KCNIP4: variants seen among roughly 807,000 people sequenced by gnomAD.
The protein encoded by KCNIP4 is potassium voltage-gated channel interacting protein 4, also known as Kv channel-interacting protein 4.
Under a neutral mutation model 34.0 loss-of-function variants are expected in KCNIP4, and 12 were observed. The observed-to-expected ratio is 0.35, with a 90% CI of 0.23 to 0.57. KCNIP4 has a LOEUF of 0.57. KCNIP4 is among the 20% of genes least tolerant of loss of function. KCNIP4 has a pLI of 0.83. For synonymous variants in KCNIP4, 124 were observed against 102.2 expected (o/e 1.21, Z -1.29); for missense variants, 238 against 311.7 (o/e 0.76, Z 1.78).
chr4:21,675,576 C>A (rs758985063), intron 1 of KCNIP4, among the ~76,000 whole-genome samples: 1 of 152,116 alleles, frequency 6.6e-6, no homozygotes, highest in Non-Finnish European at 1.5e-5. Context: ...TATACACTTA[C>A]TATGTACTCA....
chr4:21,697,773 T>A, intron 1 of KCNIP4: 1 of 632,276 alleles, frequency 1.6e-6, no homozygotes, highest in Non-Finnish European at 2.1e-6. Context: ...CCAGAAGCAG[T>A]TGCAACCTCA....
intron 6 of KCNIP4, among the ~76,000 whole-genome samples, chr4:20,733,866 A>G (rs1164477685): frequency 1.3e-5 from 2 of 152,082 alleles, no homozygotes; most frequent in African/African-American, 2.4e-5. Flanking sequence ...ATCAGGCTAT[A>G]CTCGTGACCT....
intron 1 of KCNIP4, among the ~76,000 whole-genome samples, chr4:21,344,526 G>A (rs1717098242): frequency 6.6e-6 from 1 of 152,082 alleles, no homozygotes; most frequent in South Asian, 2.1e-4. Context: ...TCTAAAAGGA[G>A]CAGCCACCAA....
intron 1 of KCNIP4, among the ~76,000 whole-genome samples, chr4:21,859,391 G>T (rs192321573): frequency 6.6e-6 from 1 of 151,792 alleles, no homozygotes; most frequent in Non-Finnish European, 1.5e-5. Context: ...GGTGGATCAC[G>T]AGGTCAGGAG....
chr4:21,191,523 C>T (rs969671182), intron 1 of KCNIP4, among the ~76,000 whole-genome samples: 4 of 152,102 alleles, frequency 2.6e-5, no homozygotes, highest in Non-Finnish European at 4.4e-5. Flanking sequence ...CAGGATGATG[C>T]GCCCTAGTGC....
intron 1 of KCNIP4, chr4:21,719,134 T>C (rs1714604804): frequency 1.3e-5 from 2 of 152,186 alleles, no homozygotes; most frequent in African/African-American, 2.4e-5. Flanking sequence ...TCATTGATGA[T>C]AGCTGATGCT....
At chr4:21,943,091 A>C (rs2109021662) in intron 1 of KCNIP4, among the ~76,000 whole-genome samples, 1 of 152,328 alleles carries the variant, frequency 6.6e-6, no homozygotes, top group African/African-American at 2.4e-5. Context: ...GCATTGTAGA[A>C]GTGCTTACTA....
At chr4:21,097,867 A>G (rs1747597229) in intron 1 of KCNIP4, among the ~76,000 whole-genome samples, 1 of 152,158 alleles carries the variant, frequency 6.6e-6, no homozygotes, top group Non-Finnish European at 1.5e-5. Flanking sequence ...TAAGTTTAGT[A>G]AGGAATGCAT....
chr4:21,799,792 G>A (rs1402566418), intron 1 of KCNIP4, among the ~76,000 whole-genome samples: 1 of 152,138 alleles, frequency 6.6e-6, no homozygotes, highest in East Asian at 1.9e-4. Flanking sequence ...CCCTAGAACA[G>A]GGGTTAGTAA....
In KCNIP4 at chr4:20,890,831, C is replaced by A. The variant is rs146101784; in HGVS notation, c.62-8122G>T. On this transcript the variant is annotated intron_variant, in intron 1 of 8. Transcript: ENST00000382152. ...ATTGGAAAGGTTTTATCTTATAATG[C>A]CTGACATTACTGAAAACACGTCAGC... is the stretch of plus-strand genomic sequence containing the variant. Among the ~76,000 whole-genome samples, 201 of 152,250 alleles carry A rather than the reference C, an allele frequency of 1.3e-3. 5 individuals are homozygous for A. The East Asian group carries it at 0.023, about 18-fold the overall frequency.
intron 1 of KCNIP4, among the ~76,000 whole-genome samples, chr4:21,091,078 C>A (rs866397040): frequency 6.6e-6 from 1 of 152,128 alleles, no homozygotes. Context: ...CCTGGCTGTG[C>A]CTTGTGTGGA....
intron 1 of KCNIP4, among the ~76,000 whole-genome samples, chr4:21,646,908 A>C (rs1375092841): frequency 6.6e-5 from 10 of 152,138 alleles, no homozygotes; most frequent in Admixed American, 2.6e-4. Flanking sequence ...TAAAATTTAG[A>C]TTTACAATTT....
chr4:21,714,791 TTTA>T (rs1442229080), intron 1 of KCNIP4, among the ~76,000 whole-genome samples: 194 of 942 alleles, frequency 0.21, 10 homozygotes, highest in South Asian at 0.28. Flanking sequence ...CTTTGATTAT[TTTA>T]TTTTATTTTA....
intron 3 of KCNIP4, among the ~76,000 whole-genome samples, chr4:20,848,038 C>T (rs886567458): frequency 2.4e-4 from 36 of 151,956 alleles, no homozygotes; most frequent in African/African-American, 8.0e-4. Flanking sequence ...TAGTGTATTT[C>T]GGCTATGCTT....
At chr4:20,990,149 T>C (rs991237497) in intron 1 of KCNIP4, among the ~76,000 whole-genome samples, 30 of 152,108 alleles carry the variant, frequency 2.0e-4, no homozygotes, top group African/African-American at 7.0e-4. Context: ...CACTGTAAGA[T>C]TTTCTCACCA....
intron 1 of KCNIP4, among the ~76,000 whole-genome samples, chr4:21,742,314 TG>T (rs1184245001): frequency 6.6e-6 from 1 of 152,160 alleles, no homozygotes; most frequent in Non-Finnish European, 1.5e-5. Context: ...TTAAATAGTC[TG>T]GGCTTATTGT....
At chr4:21,310,843 C>G (rs967184723) in intron 1 of KCNIP4, among the ~76,000 whole-genome samples, 1 of 151,736 alleles carries the variant, frequency 6.6e-6, no homozygotes, top group South Asian at 2.1e-4. Context: ...TTAGCCAGGA[C>G]GGTCTGGATC....
chr4:20,950,928 G>C (rs1732720764), intron 1 of KCNIP4, among the ~76,000 whole-genome samples: 1 of 151,992 alleles, frequency 6.6e-6, no homozygotes, highest in Non-Finnish European at 1.5e-5. Context: ...CCACTCTAAA[G>C]TTACGTGGGC....
intron 1 of KCNIP4, among the ~76,000 whole-genome samples, chr4:21,069,643 T>C (rs1259305542): frequency 1.3e-5 from 2 of 152,104 alleles, no homozygotes; most frequent in Non-Finnish European, 2.9e-5. Context: ...AAAGAAGCCA[T>C]AAGTATACCT....
Sources: allele counts gnomAD v4.1 joint callset (sites outside exome capture counted in the v4.1 genomes callset), GRCh38; gene constraint gnomAD v4.1.1; transcripts MANE v1.5; gene names NCBI Gene and HGNC (gene_info 2026-07-23, HGNC 2026-07-21).